The following EYS variants were observed in gnomAD, a reference collection of about 807,000 sequenced individuals.
EYS encodes the protein EGF-like photoreceptor maintenance factor, also known as protein eyes shut homolog.
In EYS, 250 loss-of-function variants were observed where a neutral mutation model predicts 282.1. That is an observed-to-expected ratio of 0.89 (90% confidence interval 0.80 to 0.98). The LOEUF (loss-of-function observed/expected upper bound fraction) is 0.98. Among genes scored for constraint, EYS ranks in the 50% least tolerant of loss-of-function variants. EYS has a pLI of 0.00. For missense variants in EYS, 4,016 were observed against 3,709.0 expected, an observed-to-expected ratio of 1.08 and a Z score of -2.15; for synonymous variants, 1,355 against 1,282.9, an observed-to-expected ratio of 1.06 and a Z score of -1.20.
At chr6:65,557,156 C>A (rs1199521664) in intron 2 of EYS, among the ~76,000 whole-genome samples, 1 of 152,144 alleles carries the variant, frequency 6.6e-6, no homozygotes, top group East Asian at 1.9e-4. Context: ...CAGCCAGACA[C>A]CTCTGTGGCC....
chr6:64,174,926 T>C (rs1288934677), intron 31 of EYS, among the ~76,000 whole-genome samples: 3 of 152,216 alleles, frequency 2.0e-5, no homozygotes, highest in East Asian at 1.9e-4. Context: ...TCAAGAGTTT[T>C]TTTTCTAAAA....
chr6:65,309,380 C>T (rs1023067492), intron 11 of EYS, among the ~76,000 whole-genome samples: 5 of 152,224 alleles, frequency 3.3e-5, no homozygotes, highest in Admixed American at 2.6e-4. Context: ...CTATAGCTGC[C>T]TTAAAGAAAA....
intron 5 of EYS, among the ~76,000 whole-genome samples, chr6:65,467,841 T>G (rs1034839223): frequency 2.6e-5 from 4 of 152,092 alleles, no homozygotes; most frequent in Non-Finnish European, 5.9e-5. Flanking sequence ...GAAGAATGTG[T>G]AGATTTTGAT....
chr6:65,119,763 A>C (rs1775475922), intron 12 of EYS, among the ~76,000 whole-genome samples: 1 of 151,692 alleles, frequency 6.6e-6, no homozygotes, highest in South Asian at 2.1e-4. Flanking sequence ...GCTACTTGGG[A>C]GGCTGAGGTG....
chr6:64,871,101 C>T lies in EYS; in HGVS notation c.2992+15596G>A, dbSNP rs80173452. On this transcript the variant is annotated intron_variant, in intron 19 of 42. Coordinates refer to ENST00000503581, the MANE Select transcript of EYS (RefSeq NM_001142800.2). ...GAACATCCAAGAAGCTGGCTTATTT[C>T]GCTCAAAATTAAGTTTCTACGATTT... Among the ~76,000 whole-genome samples the T allele has an allele frequency of 2.0e-3, 303 of 151,882 alleles. 4 individuals are homozygous for T. In the East Asian group the frequency reaches 0.044, roughly 22 times the overall value.
intron 35 of EYS, among the ~76,000 whole-genome samples, chr6:63,865,482 T>G (rs1489011883): frequency 6.6e-6 from 1 of 152,178 alleles, no homozygotes; most frequent in Non-Finnish European, 1.5e-5. Context: ...TTTGCTCTCT[T>G]ATTACATTAG....
intron 33 of EYS, among the ~76,000 whole-genome samples, chr6:64,058,400 A>G (rs1040385838): frequency 6.6e-6 from 1 of 152,224 alleles, no homozygotes; most frequent in East Asian, 1.9e-4. Flanking sequence ...AAAGTTTTTC[A>G]CAATAAAGTC....
chr6:64,113,031 G>A (rs537055171), intron 31 of EYS, among the ~76,000 whole-genome samples: 1 of 152,042 alleles, frequency 6.6e-6, no homozygotes, highest in Non-Finnish European at 1.5e-5. Flanking sequence ...TGTTCCTTAA[G>A]GTTATGTTGA....
chr6:63,917,502 A>T (rs1764455877), intron 35 of EYS, among the ~76,000 whole-genome samples: 1 of 152,192 alleles, frequency 6.6e-6, no homozygotes, highest in Admixed American at 6.5e-5. Flanking sequence ...CTCACCTTCA[A>T]CTTTTGTACT....
chr6:64,663,980 A>C (rs1037602734), intron 22 of EYS, among the ~76,000 whole-genome samples: 5 of 152,212 alleles, frequency 3.3e-5, no homozygotes, highest in African/African-American at 7.2e-5. Context: ...CTCTAGCCCG[A>C]TCAGGAGTGG....
chr6:64,608,719 T>C (rs1382882677), intron 24 of EYS, among the ~76,000 whole-genome samples: 1 of 152,200 alleles, frequency 6.6e-6, no homozygotes, highest in Non-Finnish European at 1.5e-5. Context: ...TGGAACATTA[T>C]TCAGCCCTGA....
chr6:64,593,031 A>G, intron 25 of EYS, 86 bp downstream of exon 25: 1 of 1,031,990 alleles, frequency 9.7e-7, no homozygotes, highest in African/African-American at 1.7e-5. Flanking sequence ...AGAAAAAAAA[A>G]AGATTTTAAT....
chr6:65,062,785 A>T (rs1387186248), intron 12 of EYS, among the ~76,000 whole-genome samples: 1 of 151,980 alleles, frequency 6.6e-6, no homozygotes, highest in East Asian at 1.9e-4. Context: ...GTAAATGGAA[A>T]CCGCATAAAG....
intron 35 of EYS, among the ~76,000 whole-genome samples, chr6:63,905,421 C>T (rs1288676999): frequency 6.6e-6 from 1 of 151,350 alleles, no homozygotes; most frequent in Non-Finnish European, 1.5e-5. Context: ...GCTCTGCCTC[C>T]CAGGTTCACG....
chr6:64,525,822 A>T (rs1777899040), intron 26 of EYS, among the ~76,000 whole-genome samples: 1 of 151,812 alleles, frequency 6.6e-6, no homozygotes, highest in African/African-American at 2.4e-5. Flanking sequence ...TTTCTTAAAA[A>T]ACTAACCATG....
chr6:64,260,221 C>G (rs1341010890), intron 30 of EYS, among the ~76,000 whole-genome samples: 1 of 152,016 alleles, frequency 6.6e-6, no homozygotes. Flanking sequence ...ATCTTAAACA[C>G]AGTGAGAATG....
At chr6:64,868,020 C>CT (rs1766477147) in intron 19 of EYS, among the ~76,000 whole-genome samples, 1 of 151,144 alleles carries the variant, frequency 6.6e-6, no homozygotes, top group African/African-American at 2.4e-5. Flanking sequence ...AGCTCTAATA[C>CT]CATGGATTGT....
chr6:65,378,435 G>A (rs752000739), intron 8 of EYS, among the ~76,000 whole-genome samples: 9 of 152,152 alleles, frequency 5.9e-5, no homozygotes, highest in Non-Finnish European at 1.2e-4. Context: ...CACTGTTGGT[G>A]GGAGTGTAAA....
At chr6:63,760,287 G>T (rs962604395) in intron 41 of EYS, among the ~76,000 whole-genome samples, 5 of 151,926 alleles carry the variant, frequency 3.3e-5, no homozygotes, top group Non-Finnish European at 4.4e-5. Flanking sequence ...TTTAGGAGAG[G>T]TTATATGTAT....
Sources: gnomAD v4.1 joint callset for allele counts (sites outside exome capture counted in the v4.1 genomes callset) on GRCh38, gnomAD v4.1.1 for gene constraint, MANE v1.5 for transcripts, NCBI Gene and HGNC (gene_info 2026-07-23, HGNC 2026-07-21) for gene names.